CDON: variants seen among roughly 807,000 people sequenced by gnomAD.
CDON encodes cell adhesion molecule-related/down-regulated by oncogenes.
CDON carries 73 observed loss-of-function variants against 120.9 expected under a neutral mutation model. The observed-to-expected ratio is 0.60, with a 90% CI of 0.50 to 0.73. The LOEUF (loss-of-function observed/expected upper bound fraction) is 0.73, where lower values mean the gene tolerates loss of function less well. Ranked by LOEUF, CDON falls within the 30% of genes least tolerant of loss-of-function variation. The pLI, the probability that CDON is intolerant of heterozygous loss-of-function variation, is 0.00. For synonymous variants in CDON, 566 were observed against 573.5 expected (o/e 0.99, Z 0.19); for missense variants, 1,470 against 1,587.3 (o/e 0.93, Z 1.26).
chr11:126,034,061 A>G lies in CDON; in HGVS notation c.-61-10524T>C, dbSNP rs1193640223. 3.3e-5 allele frequency among the ~76,000 whole-genome samples: 5 copies of G among 151,974 alleles called. No individual in the cohort carries two copies. Among genetic ancestry groups the G allele is most frequent in the African/African-American group, 1.2e-4 (5 of 41,358 alleles). On this transcript the variant is annotated intron_variant, in intron 1 of 19. Coordinates refer to ENST00000531738, the MANE Select transcript of CDON (RefSeq NM_001378964.1). The surrounding 1 kb of genome is among the most constrained non-coding windows in gnomAD (Gnocchi z 4.5). ...GCCAGGATGAAGCCCCTGGGTGTGA[A>G]ATGCAGCTTTCCACAGTACTTACTT...
At position 125,997,416 on chromosome 11, in the gene CDON, C is replaced by T. The variant is rs1196675375; in HGVS notation, c.2159-6G>A. 1 of 1,599,888 alleles carries T rather than the reference C, an allele frequency of 6.3e-7. No homozygotes were observed. The highest frequency in any genetic ancestry group is 8.6e-7 in the Non-Finnish European group (1 of 1,169,332). ...CCGATCTGGTGCCTCTGGAACTAAA[C>T]ACGGAAACGTTCATTTCAATAACCC... On this transcript the variant is annotated splice_region_variant and splice_polypyrimidine_tract_variant and intron_variant, in intron 11 of 19. Transcript: ENST00000531738.
intron 1 of CDON, among the ~76,000 whole-genome samples, chr11:126,028,511 T>G (rs969112299): frequency 2.6e-5 from 4 of 151,846 alleles, no homozygotes; most frequent in African/African-American, 9.7e-5. Flanking sequence ...TACAGGCACG[T>G]GCCAACATGC....
chr11:125,977,908 G>T (rs1946190183), intron 18 of CDON, among the ~76,000 whole-genome samples: 1 of 151,610 alleles, frequency 6.6e-6, no homozygotes, highest in African/African-American at 2.4e-5. Context: ...ATATACAGAG[G>T]GTTCCCCCCT....
chr11:126,042,992 G>A (rs183440859), intron 1 of CDON, among the ~76,000 whole-genome samples: 105 of 152,214 alleles, frequency 6.9e-4, no homozygotes, highest in East Asian at 5.0e-3. Flanking sequence ...GTTTCACACC[G>A]ACTTCCTAGA....
chr11:126,049,965 C>T (rs545472108), intron 1 of CDON, among the ~76,000 whole-genome samples: 4 of 152,092 alleles, frequency 2.6e-5, no homozygotes, highest in Non-Finnish European at 4.4e-5. Context: ...CCAGGATGTA[C>T]CGTTAAAGAA....
intron 10 of CDON, among the ~76,000 whole-genome samples, chr11:126,003,670 AT>A (rs1947024692): frequency 6.6e-6 from 1 of 152,090 alleles, no homozygotes; most frequent in Non-Finnish European, 1.5e-5. Context: ...AATACAAAAA[AT>A]TAGCCGGGCA....
chr11:126,026,747 G>T (rs752505086), intron 1 of CDON, among the ~76,000 whole-genome samples: 3 of 152,102 alleles, frequency 2.0e-5, no homozygotes, highest in Non-Finnish European at 4.4e-5. Context: ...AACTTTTTTG[G>T]TTTATTTGAA....
Position 125,960,417 on chromosome 11 carries a change from G to C in CDON, c.*525C>G, listed in dbSNP as rs2134330783. 1 of 155,540 alleles carries C rather than the reference G, an allele frequency of 6.4e-6. No individual in the cohort carries two copies. Among genetic ancestry groups the C allele is most frequent in the Middle Eastern group, 3.3e-3 (1 of 304 alleles). The allele number at this position is 155,540 out of a possible 1,614,324, so 9.6% of individuals were successfully genotyped here. On this transcript the variant is annotated 3_prime_UTR_variant, in exon 20 of 20. Transcript: ENST00000531738. ...TGAGGCGGGAGAATTGCTTGAACCT[G>C]GGAGGCGGAGGTTGCAGTGAGCCAA...
chr11:125,961,923 C>T lies in CDON; in HGVS notation c.3432G>A (p.Gln1144=). The T allele has an allele frequency of 6.2e-7, 1 of 1,614,202 alleles. No individual in the cohort carries two copies. The highest frequency in any genetic ancestry group is 8.5e-7 in the Non-Finnish European group (1 of 1,180,046). Residue 1144 remains glutamine (Q), a synonymous_variant, in exon 19 of 20, where the codon CAG becomes CAA. Coordinates refer to ENST00000531738, the MANE Select transcript of CDON (RefSeq NM_001378964.1). ...TGAGGGGCTTCATTTCCAAACCATC[C>T]TGAGGATAAGGTGCTACCACAGGGA... The part of the protein sequence containing the change: ...PVVPVVAPYP[Q]DGLEMKPLSH...
intron 16 of CDON, 103 bp from the exon 17 acceptor site, chr11:125,981,432 A>ACG: frequency 8.3e-7 from 1 of 1,197,960 alleles, no homozygotes; most frequent in Non-Finnish European, 1.2e-6. Context: ...GCACACACGC[A>ACG]CACACGCACA....
intron 16 of CDON, among the ~76,000 whole-genome samples, chr11:125,982,956 G>C (rs1034896057): frequency 3.9e-5 from 6 of 152,170 alleles, no homozygotes; most frequent in Non-Finnish European, 5.9e-5. Context: ...ATCCATTTCA[G>C]CCTGATGCAG....
Position 125,971,722 on chromosome 11 carries a change from C to T in CDON, c.3356+6582G>A, listed in dbSNP as rs1361388552. On this transcript the variant is annotated intron_variant, in intron 18 of 19. Transcript: ENST00000531738. ...TTCCTGTCCATCTCCAGTCTCTCTA[C>T]GACCCTTCGAGTTAATTTCTCATTC... Among the ~76,000 whole-genome samples, 4 of 152,220 alleles carry T rather than the reference C, an allele frequency of 2.6e-5. No homozygotes were observed. The South Asian group carries it at 6.2e-4, about 24-fold the overall frequency.
In CDON at chr11:126,023,427, G is replaced by T. The variant is rs767275943; in HGVS notation, c.50C>A (p.Thr17Lys). 9 of 1,612,502 alleles carry T rather than the reference G, an allele frequency of 5.6e-6. No homozygotes were observed. Among genetic ancestry groups the T allele is most frequent in the Non-Finnish European group, 6.8e-6 (8 of 1,178,530 alleles). ...TGAACTCACAGAAGAGCACAGAATT[G>T]TAAGAGTAACATACAGCAGTGTACA... ...PLCTLLYVTL[T>K]ILCSSVSSDL... Residue 17 changes from threonine (T) to lysine (K), a missense_variant, in exon 2 of 20, where the codon ACA becomes AAA. Thr to Lys is a moderately conservative substitution (Grantham distance 78). Coordinates refer to ENST00000531738, the MANE Select transcript of CDON (RefSeq NM_001378964.1).
rs750537464 is a variant in CDON at position 126,017,257 on chromosome 11, C to T, written c.759G>A (p.Val253=). ...CVVSGVPAPQ[V]YWLKDGQDIA... ...TGTCCTGCCCGTCCTTTAGCCAATA[C>T]ACTTGAGGAGCCGGGACCCCACTCA... Residue 253 remains valine (V), a synonymous_variant, in exon 6 of 20, where the codon GTG becomes GTA. Coordinates refer to ENST00000531738, the MANE Select transcript of CDON (RefSeq NM_001378964.1). 1.2e-6 allele frequency: 2 copies of T among 1,614,060 alleles called. No homozygotes were observed. Among genetic ancestry groups the T allele is most frequent in the South Asian group, 2.2e-5 (2 of 91,068 alleles).
chr11:125,997,086 C>A, intron 12 of CDON, 121 bp downstream of exon 12: 3 of 794,904 alleles, frequency 3.8e-6, no homozygotes, highest in South Asian at 1.4e-5. Context: ...CTGAGGTAAG[C>A]CATGATTATG....
intron 1 of CDON, among the ~76,000 whole-genome samples, chr11:126,040,452 TAAC>T (rs1184907496): frequency 2.0e-5 from 3 of 152,198 alleles, no homozygotes; most frequent in African/African-American, 4.8e-5. Context: ...TGAAGTTACT[TAAC>T]AACCACAATG....
At chr11:126,046,302 C>T (rs533823573) in intron 1 of CDON, among the ~76,000 whole-genome samples, 1 of 152,272 alleles carries the variant, frequency 6.6e-6, no homozygotes, top group Non-Finnish European at 1.5e-5. Context: ...AACTTATCCT[C>T]TATTTTAGGG....
chr11:125,994,898 G>A lies in CDON; in HGVS notation c.2517C>T (p.Ser839=), dbSNP rs779999906. ...TCCACTTTAGCATGATCTGAGTATC[G>A]CTGACAGCCTCTGTGTATGCAATGT... ...GPHIAYTEAV[S]DTQIMLKWTY... is the part of the protein sequence containing the mutation. The change falls in exon 13 of 20, where the codon AGC becomes AGT. Residue 839 remains serine, a synonymous_variant. Transcript: ENST00000531738. The A allele has an allele frequency of 2.0e-5, 33 of 1,613,832 alleles. No homozygotes were observed. The highest frequency in any genetic ancestry group is 1.3e-4 in the East Asian group (6 of 44,866).
chr11:126,054,418 T>C (rs1042027919), intron 1 of CDON, among the ~76,000 whole-genome samples: 4 of 152,354 alleles, frequency 2.6e-5, no homozygotes, highest in South Asian at 4.1e-4. Context: ...AGTGTGATAA[T>C]GCATGTCCCA....
Sources: gnomAD v4.1 joint callset for allele counts (sites outside exome capture counted in the v4.1 genomes callset) on GRCh38, gnomAD v4.1.1 for gene constraint, Gnocchi (gnomAD v3.1) non-coding constraint, MANE v1.5 for transcripts, NCBI Gene and HGNC (gene_info 2026-07-23, HGNC 2026-07-21) for gene names.